Variants in GATA4 observed in about 807,000 individuals in gnomAD.
GATA4 encodes the protein GATA binding protein 4, also known as transcription factor GATA-4.
Under a neutral mutation model 37.9 loss-of-function variants are expected in GATA4, and 7 were observed. The ratio of observed to expected loss-of-function variants is 0.18; its 90% CI spans 0.11 to 0.35. The LOEUF (loss-of-function observed/expected upper bound fraction) is 0.35, where lower values mean the gene tolerates loss of function less well. Among genes scored for constraint, GATA4 ranks in the 10% least tolerant of loss-of-function variants. The pLI is 1.00. For missense variants in GATA4, 647 were observed against 653.0 expected (o/e 0.99, Z 0.10); for synonymous variants, 372 against 292.6 (o/e 1.27, Z -2.77).
chr8:11,703,373 G>A (rs1223889382), upstream of GATA4, among the ~76,000 whole-genome samples: 1 of 152,022 alleles, frequency 6.6e-6, no homozygotes, highest in Non-Finnish European at 1.5e-5. Context: ...CTCTGACGCC[G>A]ACTCCCAACT....
At chr8:11,685,054 T>C (rs978114337) in intron 1 of GATA4, among the ~76,000 whole-genome samples, 2 of 152,204 alleles carry the variant, frequency 1.3e-5, no homozygotes, top group Admixed American at 1.3e-4. Context: ...ATGCTTTACT[T>C]AGCAAAGTTT....
At chr8:11,756,639 A>C (rs1350385451) in intron 5 of GATA4, 1 of 485,122 alleles carries the variant, frequency 2.1e-6, no homozygotes, top group Non-Finnish European at 3.8e-6. Context: ...TTCTGTAATA[A>C]TACACAGTAT....
At chr8:11,723,170 G>A (rs1448892140) in intron 2 of GATA4, among the ~76,000 whole-genome samples, 2 of 151,994 alleles carry the variant, frequency 1.3e-5, no homozygotes, top group African/African-American at 2.4e-5. Flanking sequence ...AACATAGTGA[G>A]AGCCTGTCTC....
intron 1 of GATA4, among the ~76,000 whole-genome samples, chr8:11,685,603 G>A (rs1412821440): frequency 3.3e-5 from 5 of 152,212 alleles, no homozygotes; most frequent in Admixed American, 2.0e-4. Context: ...CCTGATTCCA[G>A]GCTAGAGATG....
chr8:11,755,332 C>T lies in GATA4; in HGVS notation c.1000+199C>T, dbSNP rs17153765. The stretch of plus-strand genomic sequence containing the variant: ...TGCCATGGAACGTGTTGGGAGCTTT[C>T]GAAGCAGGCTCAACTCAAGCTGGGG... On this transcript the variant is annotated intron_variant, in intron 5 of 6. Transcript: ENST00000532059. Among the ~76,000 whole-genome samples the T allele has an allele frequency of 3.8e-3, 576 of 152,284 alleles. 2 individuals carry two copies. Among genetic ancestry groups the T allele is most frequent in the African/African-American group, 0.013 (544 of 41,540 alleles).
At chr8:11,724,562 A>T (rs867788201) in intron 2 of GATA4, among the ~76,000 whole-genome samples, 2 of 152,190 alleles carry the variant, frequency 1.3e-5, no homozygotes, top group Middle Eastern at 3.2e-3. Context: ...CGAGTCCTGA[A>T]ACCCGCCCTG....
intron 2 of GATA4, among the ~76,000 whole-genome samples, chr8:11,747,425 T>C (rs948845708): frequency 6.6e-6 from 1 of 152,168 alleles, no homozygotes; most frequent in East Asian, 1.9e-4. Flanking sequence ...CCCGGCAGCC[T>C]TGTGGTAGCT....
chr8:11,743,991 A>C (rs945701682), intron 2 of GATA4, among the ~76,000 whole-genome samples: 1 of 152,230 alleles, frequency 6.6e-6, no homozygotes, highest in African/African-American at 2.4e-5. Context: ...TAAACTAATC[A>C]TTAATTAATA....
upstream of GATA4, among the ~76,000 whole-genome samples, chr8:11,688,522 A>G (rs1267791051): frequency 9.6e-6 from 1 of 104,564 alleles, no homozygotes; most frequent in Non-Finnish European, 2.4e-5. Flanking sequence ...GCGTGCGCGC[A>G]TGCACACACA....
At chr8:11,733,711 A>G (rs1283869210) in intron 2 of GATA4, among the ~76,000 whole-genome samples, 2 of 152,240 alleles carry the variant, frequency 1.3e-5, no homozygotes, top group Admixed American at 6.5e-5. Flanking sequence ...CCCTGCAGAA[A>G]CAGCTGCAGA....
At chr8:11,754,210 C>T (rs1316455681) in intron 4 of GATA4, among the ~76,000 whole-genome samples, 2 of 152,172 alleles carry the variant, frequency 1.3e-5, no homozygotes, top group African/African-American at 2.4e-5. Context: ...TAATTGATAG[C>T]ACCGCTGCAC....
At chr8:11,719,295 G>T (rs534588634) in intron 2 of GATA4, among the ~76,000 whole-genome samples, 5 of 151,630 alleles carry the variant, frequency 3.3e-5, no homozygotes, top group Admixed American at 6.6e-5. Flanking sequence ...AATAATACAG[G>T]TTGCCCCTCA....
intron 1 of GATA4, chr8:11,681,225 C>G: frequency 1.0e-6 from 1 of 985,302 alleles, no homozygotes; most frequent in Non-Finnish European, 1.2e-6. Flanking sequence ...AGAGATTTCT[C>G]GACGTTTGGG....
chr8:11,699,393 G>C (rs565127071), upstream of GATA4, among the ~76,000 whole-genome samples: 2 of 152,206 alleles, frequency 1.3e-5, no homozygotes, highest in Non-Finnish European at 2.9e-5. Context: ...CACCAAGAGA[G>C]ATCTCAGAGG....
upstream of GATA4, among the ~76,000 whole-genome samples, chr8:11,699,455 G>C (rs562974996): frequency 2.0e-4 from 31 of 152,330 alleles, no homozygotes; most frequent in Non-Finnish European, 2.6e-4. Flanking sequence ...CCTCCAGTCT[G>C]GGAACCAGAC....
intron 1 of GATA4, among the ~76,000 whole-genome samples, chr8:11,683,301 G>T (rs549278770): frequency 6.6e-6 from 1 of 152,216 alleles, no homozygotes. Flanking sequence ...GTGGCAGGGG[G>T]ATTAATCAGA....
intron 1 of GATA4, chr8:11,680,487 C>A (rs1250321761): frequency 3.0e-6 from 3 of 985,386 alleles, no homozygotes; most frequent in Non-Finnish European, 3.6e-6. Context: ...GGATGCATTT[C>A]GATCAATCTG....
intron 2 of GATA4, among the ~76,000 whole-genome samples, chr8:11,739,795 G>A (rs1217101220): frequency 5.5e-5 from 8 of 146,182 alleles, no homozygotes; most frequent in African/African-American, 1.7e-4. Context: ...TGCGGAAGGC[G>A]AGGACTGGGA....
chr8:11,710,203 T>A (rs1176792496), intron 2 of GATA4, among the ~76,000 whole-genome samples: 1 of 152,096 alleles, frequency 6.6e-6, no homozygotes, highest in African/African-American at 2.4e-5. Context: ...TGATTAACCC[T>A]GAAAGTGGCG....
Sources: gnomAD v4.1 joint callset for allele counts (sites outside exome capture counted in the v4.1 genomes callset) on GRCh38, gnomAD v4.1.1 for gene constraint, MANE v1.5 for transcripts, NCBI Gene and HGNC (gene_info 2026-07-23, HGNC 2026-07-21) for gene names.